The following RAB5C variants were observed in gnomAD, a reference collection of about 807,000 sequenced individuals.
The protein encoded by RAB5C is RAB5C, member RAS oncogene family, also known as ras-related protein Rab-5C.
RAB5C carries 4 observed loss-of-function variants against 25.2 expected under a neutral mutation model. That is an observed-to-expected ratio of 0.16 (90% CI 0.08 to 0.36). The LOEUF is 0.36. Ranked by LOEUF, RAB5C falls within the 10% of genes least tolerant of loss-of-function variation. RAB5C has a pLI of 1.00. For synonymous variants in RAB5C, 100 were observed against 106.4 expected (o/e 0.94, Z 0.37); for missense variants, 199 against 283.8 (o/e 0.70, Z 2.15).
intron 2 of RAB5C, among the ~76,000 whole-genome samples, chr17:42,129,155 C>T (rs2054460891): frequency 6.6e-6 from 1 of 152,108 alleles, no homozygotes; most frequent in Non-Finnish European, 1.5e-5. Flanking sequence ...GGTGAGCGCC[C>T]TCAGACCTCC....
chr17:42,126,658 A>G (rs886454569), intron 5 of RAB5C, 97 bp downstream of exon 5: 33 of 497,174 alleles, frequency 6.6e-5, no homozygotes, highest in African/African-American at 6.0e-4. Flanking sequence ...AAAAAAAAAA[A>G]GAGTGGTGAA....
intron 1 of RAB5C, among the ~76,000 whole-genome samples, chr17:42,138,578 G>T (rs1295169283): frequency 6.6e-6 from 1 of 152,166 alleles, no homozygotes; most frequent in African/African-American, 2.4e-5. Context: ...CCTTCCACAG[G>T]GAAAGCACCC....
intron 1 of RAB5C, among the ~76,000 whole-genome samples, chr17:42,137,315 A>C (rs914073377): frequency 1.4e-5 from 2 of 143,186 alleles, no homozygotes; most frequent in African/African-American, 2.6e-5. Context: ...CAAAAAAAAG[A>C]AAAAAAAAAA....
chr17:42,128,577 G>A (rs2054452487), intron 3 of RAB5C, 72 bp downstream of exon 3: 2 of 1,401,932 alleles, frequency 1.4e-6, no homozygotes, highest in Non-Finnish European at 1.9e-6. Context: ...CTGAAATCAG[G>A]GCTCTGATAA....
chr17:42,132,531 T>C (rs1053702692), intron 1 of RAB5C, among the ~76,000 whole-genome samples: 4 of 152,120 alleles, frequency 2.6e-5, no homozygotes, highest in Non-Finnish European at 4.4e-5. Context: ...AGAGTGCTGA[T>C]GGAAGGAAAT....
rs2079677707 is a variant in RAB5C, at chr17:42,152,398, AT to A, written c.-89+2494del. ...AGAGTCAGACCTCTGCTTGGACTCT[AT>A]AATTTCTAGGTGCCAGAAGTGGCTG... On this transcript the variant is annotated intron_variant, in intron 1 of 5. Transcript: ENST00000346213. 2.6e-5 allele frequency among the ~76,000 whole-genome samples: 4 copies of A among 152,052 alleles called. No homozygotes were observed. In the South Asian group the frequency reaches 8.3e-4, roughly 32 times the overall value.
Position 42,140,484 on chromosome 17 carries a change from AATAT to A in RAB5C, c.-88-9898_-88-9895del, listed in dbSNP as rs10580000. On this transcript the variant is annotated intron_variant, in intron 1 of 5. Coordinates refer to ENST00000346213, the MANE Select transcript of RAB5C (RefSeq NM_004583.4). ...TGGGCACCAAAGAACAATATTTTAG[AATAT>A]ATATATATATATATATATATATATA... is the stretch of plus-strand genomic sequence containing the variant. Among the ~76,000 whole-genome samples, 452 of 72,736 alleles carry A rather than the reference AATAT, an allele frequency of 6.2e-3. 1 individual carries two copies. Among genetic ancestry groups the A allele is most frequent in the Non-Finnish European group, 8.4e-3 (305 of 36,438 alleles). The allele number at this position is 72,736 out of a possible 152,430, so 47.7% of individuals were successfully genotyped here. A position where few individuals can be genotyped will look rare whatever the true frequency, so the allele number is the denominator to read the frequency against.
intron 1 of RAB5C, among the ~76,000 whole-genome samples, chr17:42,138,054 T>G (rs879552875): frequency 1.3e-5 from 2 of 152,234 alleles, no homozygotes; most frequent in Non-Finnish European, 2.9e-5. Flanking sequence ...TGGGCTTAAC[T>G]GTGGGCTAAA....
intron 1 of RAB5C, among the ~76,000 whole-genome samples, chr17:42,140,439 G>C (rs1400738434): frequency 1.4e-5 from 2 of 144,726 alleles, no homozygotes; most frequent in Non-Finnish European, 3.0e-5. Context: ...CCTGAGGGAC[G>C]ATGGCTATTC....
At chr17:42,138,371 G>A (rs56929605) in intron 1 of RAB5C, among the ~76,000 whole-genome samples, 5 of 152,168 alleles carry the variant, frequency 3.3e-5, no homozygotes, top group Admixed American at 6.5e-5. Flanking sequence ...AGATCTAGCC[G>A]AATCCCAATG....
rs112146440 is a variant in RAB5C at position 42,125,882 on chromosome 17, C to T, written c.552G>A (p.Lys184=). The stretch of plus-strand genomic sequence containing the variant: ...CACCAGTTGCATTCTGGGGCTCGTT[C>T]TTGGGAAGCTTCTTAGCTGTTTGGG... The part of the protein sequence containing the change: ...IFMAIAKKLP[K]NEPQNATGAP... Residue 184 remains lysine, a synonymous_variant, in exon 6 of 6, where the codon AAG becomes AAA. Transcript: ENST00000346213. 763 of 1,610,084 alleles carry T rather than the reference C, an allele frequency of 4.7e-4. No homozygotes were observed. The highest frequency in any genetic ancestry group is 9.9e-4 in the Middle Eastern group (6 of 6,058).
intron 1 of RAB5C, among the ~76,000 whole-genome samples, chr17:42,136,934 G>T (rs1008057891): frequency 6.6e-6 from 1 of 152,218 alleles, no homozygotes; most frequent in African/African-American, 2.4e-5. Flanking sequence ...AAAAATAACA[G>T]GGACTGCGAC....
intron 1 of RAB5C, among the ~76,000 whole-genome samples, chr17:42,146,735 C>A (rs2079637505): frequency 6.7e-6 from 1 of 148,946 alleles, no homozygotes; most frequent in Non-Finnish European, 1.5e-5. Flanking sequence ...GGAAACAGAG[C>A]AAGACTCCAT....
chr17:42,153,155 C>T (rs1447622071), intron 1 of RAB5C, among the ~76,000 whole-genome samples: 1 of 152,180 alleles, frequency 6.6e-6, no homozygotes, highest in Non-Finnish European at 1.5e-5. Flanking sequence ...GTGGTTCACA[C>T]CTGTAATCTC....
chr17:42,151,381 G>A (rs1219386676), intron 1 of RAB5C, among the ~76,000 whole-genome samples: 2 of 151,768 alleles, frequency 1.3e-5, no homozygotes, highest in Non-Finnish European at 2.9e-5. Context: ...AGCTTGCAGT[G>A]AGCCAAGATC....
intron 1 of RAB5C, among the ~76,000 whole-genome samples, chr17:42,147,628 G>A (rs755424609): frequency 3.3e-5 from 5 of 152,198 alleles, no homozygotes; most frequent in South Asian, 2.1e-4. Context: ...CCCATCATCC[G>A]TACTGTAACA....
intron 2 of RAB5C, among the ~76,000 whole-genome samples, 200 bp from the exon 3 acceptor site, chr17:42,129,000 C>T (rs1175930695): frequency 6.6e-6 from 1 of 152,058 alleles, no homozygotes; most frequent in Non-Finnish European, 1.5e-5. Context: ...ACGGGGTCTG[C>T]ACAGGCTTTG....
chr17:42,141,673 T>C (rs1005713915), intron 1 of RAB5C, among the ~76,000 whole-genome samples: 1 of 152,112 alleles, frequency 6.6e-6, no homozygotes, highest in Non-Finnish European at 1.5e-5. Context: ...GAACTTCAGT[T>C]CAAGTTCTGG....
chr17:42,147,429 T>C (rs976102547), intron 1 of RAB5C, among the ~76,000 whole-genome samples: 5 of 152,198 alleles, frequency 3.3e-5, no homozygotes, highest in Non-Finnish European at 5.9e-5. Flanking sequence ...CTGGGGTCGG[T>C]GCTGCCTCAC....
Sources: gnomAD v4.1 joint callset for allele counts (sites outside exome capture counted in the v4.1 genomes callset) on GRCh38, gnomAD v4.1.1 for gene constraint, MANE v1.5 for transcripts, NCBI Gene and HGNC (gene_info 2026-07-23, HGNC 2026-07-21) for gene names.